The following GPR158 variants were observed in gnomAD, a reference collection of about 807,000 sequenced individuals.
The protein encoded by GPR158 is metabotropic glycine receptor.
Under a neutral mutation model 78.2 loss-of-function variants are expected in GPR158, and 30 were observed. The observed-to-expected ratio is 0.38, with a 90% CI of 0.29 to 0.52. The LOEUF (loss-of-function observed/expected upper bound fraction) is 0.52. Ranked by LOEUF, GPR158 falls within the 20% of genes least tolerant of loss-of-function variation. The pLI is 0.83. For missense variants in GPR158, 1,463 were observed against 1,523.5 expected, an observed-to-expected ratio of 0.96 and a Z score of 0.66; for synonymous variants, 581 against 591.1, an observed-to-expected ratio of 0.98 and a Z score of 0.25.
intron 1 of GPR158, among the ~76,000 whole-genome samples, chr10:25,198,089 C>T (rs1852867733): frequency 6.6e-6 from 1 of 152,158 alleles, no homozygotes; most frequent in African/African-American, 2.4e-5. Flanking sequence ...GATTTTGAAC[C>T]TTAGCAATTT....
chr10:25,565,816 TAGAGACAGGGGAC>T (rs1191896174), intron 6 of GPR158, among the ~76,000 whole-genome samples: 3 of 152,076 alleles, frequency 2.0e-5, no homozygotes, highest in African/African-American at 2.4e-5. Context: ...TGGTGAGTGA[TAGAGACAGGGGAC>T]CGAGGGCAAG....
intron 1 of GPR158, among the ~76,000 whole-genome samples, chr10:25,212,696 A>G (rs1402009304): frequency 1.6e-5 from 2 of 124,286 alleles, no homozygotes; most frequent in Non-Finnish European, 3.1e-5. Context: ...CAGTGGCGCC[A>G]TCTTGGCTCA....
chr10:25,423,391 C>CT (rs71399970), intron 4 of GPR158, among the ~76,000 whole-genome samples: 94 of 147,484 alleles, frequency 6.4e-4, no homozygotes, highest in African/African-American at 6.5e-4. Flanking sequence ...ACTTTTAGTT[C>CT]TTTTTTTTTT....
intron 3 of GPR158, among the ~76,000 whole-genome samples, chr10:25,411,854 A>G (rs1235455675): frequency 1.4e-5 from 2 of 139,116 alleles, no homozygotes; most frequent in Non-Finnish European, 3.1e-5. Context: ...GAATGGTGTG[A>G]ACCCAGGAGG....
intron 6 of GPR158, among the ~76,000 whole-genome samples, chr10:25,564,195 G>A (rs1429774405): frequency 6.6e-6 from 1 of 152,154 alleles, no homozygotes; most frequent in Non-Finnish European, 1.5e-5. Context: ...CAGATGAACT[G>A]CATGTTTGTG....
At position 25,572,846 on chromosome 10, in the gene GPR158, A is replaced by G. The variant is rs756258435; in HGVS notation, c.1712A>G (p.Asn571Ser). Residue 571 changes from asparagine to serine, a missense_variant, in exon 7 of 11, where the codon AAT becomes AGT. Physicochemically the swap from Asn to Ser is conservative, Grantham distance 46 (BLOSUM62 1). Coordinates refer to ENST00000376351, the MANE Select transcript of GPR158 (RefSeq NM_020752.3). Reference protein sequence around the residue: ...QGKTSDHLIFNMCLIDRWDYM... With the variant: ...QGKTSDHLIFSMCLIDRWDYM... ...AAAACATCCGATCACCTCATCTTCAATATGTGCCTCATTGACCGCTGGGAC... is the reference window on the plus strand; with the variant it reads ...AAAACATCCGATCACCTCATCTTCAGTATGTGCCTCATTGACCGCTGGGAC... The G allele has an allele frequency of 3.7e-6, 6 of 1,613,186 alleles. No homozygotes were observed. In the East Asian group the frequency reaches 6.7e-5, roughly 18 times the overall value.
chr10:25,442,538 A>C (rs2130590381), intron 4 of GPR158, among the ~76,000 whole-genome samples: 1 of 152,122 alleles, frequency 6.6e-6, no homozygotes, highest in East Asian at 1.9e-4. Context: ...TGCCTAATTG[A>C]CATCTCTGCT....
chr10:25,510,538 A>G (rs951706198), intron 5 of GPR158, among the ~76,000 whole-genome samples: 1 of 151,962 alleles, frequency 6.6e-6, no homozygotes, highest in African/African-American at 2.4e-5. Flanking sequence ...ACTTTGTTTT[A>G]TTTATTTATT....
intron 9 of GPR158, among the ~76,000 whole-genome samples, chr10:25,595,678 G>C (rs1837395290): frequency 6.6e-6 from 1 of 152,196 alleles, no homozygotes; most frequent in East Asian, 1.9e-4. Context: ...TCCAGAATGG[G>C]CAAATCTATA....
At chr10:25,377,717 T>C (rs1834101514) in intron 2 of GPR158, among the ~76,000 whole-genome samples, 1 of 152,108 alleles carries the variant, frequency 6.6e-6, no homozygotes, top group African/African-American at 2.4e-5. Context: ...CTACATTCCT[T>C]TTTATTGCTG....
chr10:25,219,614 T>C (rs1290244003), intron 1 of GPR158, among the ~76,000 whole-genome samples: 4 of 152,188 alleles, frequency 2.6e-5, no homozygotes, highest in African/African-American at 4.8e-5. Flanking sequence ...AGTGTCCCTA[T>C]ATATTTCTGT....
At chr10:25,364,846 G>T (rs979775836) in intron 2 of GPR158, among the ~76,000 whole-genome samples, 2 of 151,730 alleles carry the variant, frequency 1.3e-5, no homozygotes, top group African/African-American at 4.8e-5. Flanking sequence ...TTGGTGGTTA[G>T]AATTAGATTT....
At chr10:25,523,371 G>A (rs181385952) in intron 5 of GPR158, among the ~76,000 whole-genome samples, 53 of 152,326 alleles carry the variant, frequency 3.5e-4, no homozygotes, top group African/African-American at 1.2e-3. Context: ...CTAGGAATGC[G>A]ACATGAGTAA....
chr10:25,419,770 C>T (rs192177437), intron 4 of GPR158, among the ~76,000 whole-genome samples: 1 of 152,194 alleles, frequency 6.6e-6, no homozygotes, highest in African/African-American at 2.4e-5. Context: ...GACAGTTGAA[C>T]ATCTTTTCAT....
At chr10:25,467,467 T>C (rs1564463396) in intron 5 of GPR158, among the ~76,000 whole-genome samples, 1 of 152,190 alleles carries the variant, frequency 6.6e-6, no homozygotes, top group Non-Finnish European at 1.5e-5. Context: ...GCAGGACCAT[T>C]TCAAAATATG....
At chr10:25,341,672 C>G (rs774051685) in intron 2 of GPR158, among the ~76,000 whole-genome samples, 1 of 151,750 alleles carries the variant, frequency 6.6e-6, no homozygotes, top group East Asian at 1.9e-4. Context: ...TTGGCATAAG[C>G]AAATCATTCG....
At chr10:25,483,600 C>T (rs1053814771) in intron 5 of GPR158, among the ~76,000 whole-genome samples, 6 of 152,016 alleles carry the variant, frequency 3.9e-5, no homozygotes, top group East Asian at 1.9e-4. Context: ...TCACCTCACC[C>T]GAGAATTTAA....
At chr10:25,451,407 C>T (rs750373188) in intron 4 of GPR158, among the ~76,000 whole-genome samples, 7 of 152,150 alleles carry the variant, frequency 4.6e-5, no homozygotes, top group Non-Finnish European at 1.0e-4. Context: ...TTCCCAATTA[C>T]TTGTGAGGAA....
At position 25,598,034 on chromosome 10, in the gene GPR158, A is replaced by G. The variant is rs779166611; in HGVS notation, c.2408A>G (p.Lys803Arg). Residue 803 changes from lysine (K) to arginine (R), a missense_variant, in exon 11 of 11, where the codon AAG (lysine) becomes AGG (arginine). By Grantham distance (26) the Lys-to-Arg change is conservative (BLOSUM62 2). Coordinates refer to ENST00000376351, the MANE Select transcript of GPR158 (RefSeq NM_020752.3). ...TCTTCAGGGAACACAGGGAAATCCA[A>G]GGAGGAGACCCTGAAAAACCGAGTC... ...PESSGNTGKS[K>R]EETLKNRVFS... 1.2e-6 allele frequency: 2 copies of G among 1,613,978 alleles called. No individual in the cohort carries two copies. Among genetic ancestry groups the G allele is most frequent in the African/African-American group, 2.7e-5 (2 of 74,940 alleles).
Sources: allele counts gnomAD v4.1 joint callset (sites outside exome capture counted in the v4.1 genomes callset), GRCh38; gene constraint gnomAD v4.1.1; transcripts MANE v1.5; gene names NCBI Gene and HGNC (gene_info 2026-07-23, HGNC 2026-07-21).